OTUD4: variants seen among roughly 807,000 people sequenced by gnomAD.
OTUD4 encodes OTU domain-containing protein 4.
In OTUD4, 24 loss-of-function variants were observed where a neutral mutation model predicts 130.4. The observed-to-expected ratio is 0.18, with a 90% CI of 0.13 to 0.26. OTUD4 has a LOEUF of 0.26. OTUD4 is among the 10% of genes least tolerant of loss of function. OTUD4 has a pLI of 1.00. For missense variants in OTUD4, 1,031 were observed against 1,329.4 expected (o/e 0.78, Z 3.49); for synonymous variants, 420 against 472.5 (o/e 0.89, Z 1.44).
intron 10 of OTUD4, among the ~76,000 whole-genome samples, 183 bp from the exon 11 acceptor site, chr4:145,152,818 G>A (rs567342054): frequency 7.9e-5 from 12 of 151,580 alleles, no homozygotes; most frequent in African/African-American, 2.9e-4. Context: ...CCTGGTTCAA[G>A]CCTGGGATTC....
At chr4:145,152,089 C>A (rs778927119) in intron 11 of OTUD4, among the ~76,000 whole-genome samples, 5 of 152,270 alleles carry the variant, frequency 3.3e-5, no homozygotes, top group African/African-American at 1.2e-4. Context: ...TAAATTTGCA[C>A]ATTTAGTGCT....
rs1365207197 is a variant in OTUD4 at position 145,174,749 on chromosome 4, A to G, written c.160-5T>C. 7 of 1,572,344 alleles carry G rather than the reference A, an allele frequency of 4.5e-6. No homozygotes were observed. The highest frequency in any genetic ancestry group is 5.3e-6 in the Non-Finnish European group (6 of 1,142,230). ...GCGAGACTGAGAGTGCAATACCTAAAAAGAAAAGGCAACAAACACACTATT... is the reference window on the plus strand; with the variant it reads ...GCGAGACTGAGAGTGCAATACCTAAGAAGAAAAGGCAACAAACACACTATT... On this transcript the variant is annotated splice_polypyrimidine_tract_variant and splice_region_variant and intron_variant, in intron 1 of 20. Transcript: ENST00000447906.
intron 1 of OTUD4, among the ~76,000 whole-genome samples, chr4:145,177,467 A>C (rs1752480311): frequency 6.6e-6 from 1 of 152,204 alleles, no homozygotes; most frequent in African/African-American, 2.4e-5. Context: ...CTAAAATGTA[A>C]ATTATTGTGC....
chr4:145,149,278 G>C (rs766046875), intron 13 of OTUD4, among the ~76,000 whole-genome samples: 3 of 152,166 alleles, frequency 2.0e-5, no homozygotes, highest in Non-Finnish European at 4.4e-5. Flanking sequence ...GTCAACTCCA[G>C]AAGTAGGAGG....
In OTUD4 at chr4:145,137,988, G is replaced by C. The variant is rs1750366156; in HGVS notation, c.2787C>G (p.Ser929Arg). ...HVHSLPEASV[S>R]SKPDEGRTEQ... Reference sequence around the variant, plus strand: ...CTGTCCGGCCTTCGTCCGGCTTACTGCTCACACTTGCTTCAGGGAGAGAAT... The same window carrying C: ...CTGTCCGGCCTTCGTCCGGCTTACTCCTCACACTTGCTTCAGGGAGAGAAT... The change falls in exon 21 of 21, where the codon AGC (serine) becomes AGG (arginine). Residue 929 changes from serine (S) to arginine (R), a missense_variant. Physicochemically the swap from Ser to Arg is moderately radical, Grantham distance 110 (BLOSUM62 -1). This residue lies in a region of OTUD4 where 900 missense variants were observed against 1,095.9 expected (regional missense o/e 0.82). Transcript: ENST00000447906. 1.2e-6 allele frequency: 2 copies of C among 1,614,016 alleles called. No individual in the cohort carries two copies. The highest frequency in any genetic ancestry group is 1.7e-6 in the Non-Finnish European group (2 of 1,180,030).
chr4:145,152,699 T>G, intron 10 of OTUD4, 64 bp from the exon 11 acceptor site: 1 of 886,118 alleles, frequency 1.1e-6, no homozygotes, highest in East Asian at 2.5e-5. Context: ...TTTGCATTAC[T>G]TATCAGTTTT....
At chr4:145,150,967 T>TTACTAGG in intron 11 of OTUD4, 62 bp from the exon 12 acceptor site, 2 of 948,458 alleles carry the variant, frequency 2.1e-6, no homozygotes, top group Non-Finnish European at 3.1e-6. Context: ...TTAAATATTC[T>TTACTAGG]GCATATTTAT....
chr4:145,165,893 G>A (rs1751844827), intron 3 of OTUD4, among the ~76,000 whole-genome samples: 1 of 152,116 alleles, frequency 6.6e-6, no homozygotes, highest in Admixed American at 6.5e-5. Flanking sequence ...TGGGCGCAGT[G>A]GCTCATGCCT....
At chr4:145,154,687 G>T (rs1285762146) in intron 10 of OTUD4, among the ~76,000 whole-genome samples, 3 of 152,132 alleles carry the variant, frequency 2.0e-5, no homozygotes, top group African/African-American at 7.2e-5. Flanking sequence ...TTTGGACTAG[G>T]TATTTTTTGT....
In OTUD4 at chr4:145,142,269, T is replaced by C. The variant is rs1750600194; in HGVS notation, c.1749A>G (p.Leu583=). The part of the protein sequence containing the change: ...APLLVSPEVH[L]TPAVPSLPAT... ...CTGGTAAAGAAGGCACCGCAGGAGTTAGATGTACCTCTGGAGAAACTAGAA... is the reference window on the plus strand; with the variant it reads ...CTGGTAAAGAAGGCACCGCAGGAGTCAGATGTACCTCTGGAGAAACTAGAA... Residue 583 remains leucine (L), a synonymous_variant, in exon 18 of 21, where the codon CTA becomes CTG. Coordinates refer to ENST00000447906, the MANE Select transcript of OTUD4 (RefSeq NM_001366057.1). 1.2e-6 allele frequency: 2 copies of C among 1,613,702 alleles called. No individual in the cohort carries two copies. The highest frequency in any genetic ancestry group is 1.1e-5 in the South Asian group (1 of 91,086).
At position 145,152,613 on chromosome 4, in the gene OTUD4, T is replaced by C; in HGVS notation, c.896A>G (p.Lys299Arg). Residue 299 changes from lysine (K) to arginine (R), a missense_variant, in exon 11 of 21, where the codon AAA becomes AGA. Physicochemically the swap from Lys to Arg is conservative, Grantham distance 26 (BLOSUM62 2). This residue lies in a region of OTUD4 where 900 missense variants were observed against 1,095.9 expected (regional missense o/e 0.82). Coordinates refer to ENST00000447906, the MANE Select transcript of OTUD4 (RefSeq NM_001366057.1). Reference sequence around the variant, plus strand: ...TCCTTGAACATCTGCATTCAAAAATTTTCCATTGTGATCCAACCTAACCTG... The same window carrying C: ...TCCTTGAACATCTGCATTCAAAAATCTTCCATTGTGATCCAACCTAACCTG... ...KCQVRLDHNGKFLNADVQGIH... is the reference protein window; with the variant it reads ...KCQVRLDHNGRFLNADVQGIH... 1 of 1,611,098 alleles carries C rather than the reference T, an allele frequency of 6.2e-7. No individual in the cohort carries two copies. The highest frequency in any genetic ancestry group is 2.2e-5 in the East Asian group (1 of 44,852).
intron 13 of OTUD4, among the ~76,000 whole-genome samples, chr4:145,148,721 AAG>A (rs1160476524): frequency 2.0e-5 from 3 of 152,224 alleles, no homozygotes; most frequent in African/African-American, 7.2e-5. Flanking sequence ...TTCAAGGAAA[AAG>A]AATATTGCTT....
Position 145,164,207 on chromosome 4 carries a change from G to C in OTUD4, c.361C>G (p.Arg121Gly). The C allele has an allele frequency of 7.2e-7, 1 of 1,384,632 alleles. No homozygotes were observed. The highest frequency in any genetic ancestry group is 1.0e-6 in the Non-Finnish European group (1 of 995,842). 85.8% of individuals were successfully genotyped at this position (1,384,632 alleles called of 1,614,324 possible). The change falls in exon 5 of 21, where the codon CGG (arginine) becomes GGG (glycine). Residue 121 changes from arginine to glycine, a missense_variant. Physicochemically the swap from Arg to Gly is moderately radical, Grantham distance 125. Transcript: ENST00000447906. ...LMYRKDFIIY[R>G]EPNVSPSQVT... ...TGTGAAGGAGAAACATTTGGTTCCCGATAAATTATAAAATCTTTCCTGAAA... is the reference window on the plus strand; with the variant it reads ...TGTGAAGGAGAAACATTTGGTTCCCCATAAATTATAAAATCTTTCCTGAAA...
Position 145,152,610 on chromosome 4 carries a change from A to T in OTUD4, c.899T>A (p.Phe300Tyr). ...CQVRLDHNGK[F>Y]LNADVQGIHS... is the part of the protein sequence containing the mutation. ...AATTCCTTGAACATCTGCATTCAAA[A>T]ATTTTCCATTGTGATCCAACCTAAC... Residue 300 changes from phenylalanine to tyrosine, a missense_variant, in exon 11 of 21, where the codon TTT becomes TAT. Transcript: ENST00000447906. 1.9e-6 allele frequency: 3 copies of T among 1,611,652 alleles called. No individual in the cohort carries two copies. The highest frequency in any genetic ancestry group is 2.5e-6 in the Non-Finnish European group (3 of 1,178,016).
chr4:145,152,407 G>T (rs1415081815), intron 11 of OTUD4, 134 bp downstream of exon 11: 16 of 590,988 alleles, frequency 2.7e-5, no homozygotes, highest in Non-Finnish European at 4.2e-5. Context: ...CACCGTCCCT[G>T]GCCCAAATAT....
At chr4:145,157,042 T>A (rs1751327294) in intron 7 of OTUD4, among the ~76,000 whole-genome samples, 1 of 152,058 alleles carries the variant, frequency 6.6e-6, no homozygotes, top group Non-Finnish European at 1.5e-5. Flanking sequence ...GAGTCCCAAA[T>A]CTCCTGGTAA....
chr4:145,166,562 C>A (rs936873877), intron 3 of OTUD4, among the ~76,000 whole-genome samples: 5 of 151,796 alleles, frequency 3.3e-5, no homozygotes, highest in Non-Finnish European at 5.9e-5. Context: ...ATGTTTCAGG[C>A]AGGATGTGGT....
Position 145,179,947 on chromosome 4 carries a change from G to A in OTUD4, c.27C>T (p.Asp9=), listed in dbSNP as rs1752613487. The A allele has an allele frequency of 1.3e-6, 2 of 1,521,260 alleles. No individual in the cohort carries two copies. Among genetic ancestry groups the A allele is most frequent in the Non-Finnish European group, 1.8e-6 (2 of 1,141,790 alleles). The allele number at this position is 1,521,260 out of a possible 1,614,324, so 94.2% of individuals were successfully genotyped here. MEAAVGVP[D]GGDQGGAGPR... ...GCCCCGCGCCGCCCTGGTCCCCGCCGTCGGGGACGCCGACGGCAGCCTCCA... is the reference window on the plus strand; with the variant it reads ...GCCCCGCGCCGCCCTGGTCCCCGCCATCGGGGACGCCGACGGCAGCCTCCA... Residue 9 remains aspartate, a synonymous_variant, in exon 1 of 21, where the codon GAC becomes GAT. Transcript: ENST00000447906.
In OTUD4 at chr4:145,137,344, G is replaced by T. The variant is rs758764542; in HGVS notation, c.*86C>A. On this transcript the variant is annotated 3_prime_UTR_variant, in exon 21 of 21. Transcript: ENST00000447906. ...GGGGAGAGGAAAGAGTTCCAACTGC[G>T]GTTTTTACTTTATTGTATTTTTTTT... The T allele has an allele frequency of 1.8e-6, 2 of 1,127,236 alleles. No individual in the cohort carries two copies. The highest frequency in any genetic ancestry group is 2.6e-6 in the Non-Finnish European group (2 of 780,526). 69.8% of individuals were successfully genotyped at this position (1,127,236 alleles called of 1,614,324 possible). A position where few individuals can be genotyped will look rare whatever the true frequency, so the allele number is the denominator to read the frequency against.
Sources: gnomAD v4.1 joint callset for allele counts (sites outside exome capture counted in the v4.1 genomes callset) on GRCh38, gnomAD v4.1.1 for gene constraint, gnomAD v4.1.1 regional missense constraint, MANE v1.5 for transcripts, NCBI Gene and HGNC (gene_info 2026-07-23, HGNC 2026-07-21) for gene names.